Variants in WWOX observed in about 807,000 individuals in gnomAD.
The protein encoded by WWOX is WW domain containing oxidoreductase.
Under a neutral mutation model 46.2 loss-of-function variants are expected in WWOX, and 69 were observed. The ratio of observed to expected loss-of-function variants is 1.49; its 90% CI spans 1.23 to 1.82. The LOEUF (loss-of-function observed/expected upper bound fraction) is 1.82, where lower values mean the gene tolerates loss of function less well. WWOX is among the 40% of genes most tolerant of loss of function. The pLI is 0.00. For synonymous variants in WWOX, 359 were observed against 202.6 expected (o/e 1.77, Z -6.56); for missense variants, 919 against 542.6 (o/e 1.69, Z -6.89).
chr16:78,855,736 C>T (rs908844898), intron 8 of WWOX, among the ~76,000 whole-genome samples: 2 of 152,170 alleles, frequency 1.3e-5, no homozygotes, highest in African/African-American at 2.4e-5. Context: ...AGACGCACCA[C>T]CTCTCCTAAC....
intron 8 of WWOX, among the ~76,000 whole-genome samples, chr16:78,519,365 A>G (rs2043301734): frequency 6.6e-6 from 1 of 152,058 alleles, no homozygotes; most frequent in African/African-American, 2.4e-5. Context: ...TTTTGATCAC[A>G]TTTTGGCTTA....
chr16:78,691,674 C>G (rs539619049), intron 8 of WWOX, among the ~76,000 whole-genome samples: 43 of 152,262 alleles, frequency 2.8e-4, no homozygotes, highest in African/African-American at 9.4e-4. Context: ...TGCCACTGTA[C>G]TCCAGCCTGG....
chr16:78,950,030 T>C (rs2046026806), intron 8 of WWOX, among the ~76,000 whole-genome samples: 2 of 152,230 alleles, frequency 1.3e-5, no homozygotes, highest in Non-Finnish European at 2.9e-5. Context: ...TTTCCAAGGC[T>C]GTGCAGCTCT....
chr16:78,744,187 A>G (rs1441484876), intron 8 of WWOX, among the ~76,000 whole-genome samples: 2 of 152,086 alleles, frequency 1.3e-5, no homozygotes, highest in Non-Finnish European at 2.9e-5. Context: ...TGGTATTTGA[A>G]CTAAGTTTTG....
intron 8 of WWOX, among the ~76,000 whole-genome samples, chr16:78,849,160 C>G (rs917949446): frequency 7.2e-5 from 11 of 152,128 alleles, no homozygotes; most frequent in African/African-American, 2.7e-4. Flanking sequence ...CTAGTTTGGC[C>G]ACTGTTCTGC....
At chr16:78,403,416 C>A (rs1013847503) in intron 6 of WWOX, among the ~76,000 whole-genome samples, 2 of 152,206 alleles carry the variant, frequency 1.3e-5, no homozygotes, top group African/African-American at 4.8e-5. Context: ...ATTTATGCAT[C>A]CATGATACTG....
rs866765924 is a variant in WWOX, at chr16:78,737,244, C to T, written c.1056+304492C>T. Among the ~76,000 whole-genome samples the T allele has an allele frequency of 9.2e-5, 14 of 151,566 alleles. No individual in the cohort carries two copies. The South Asian group carries it at 1.9e-3, about 20-fold the overall frequency. On this transcript the variant is annotated intron_variant, in intron 8 of 8. Coordinates refer to ENST00000566780, the MANE Select transcript of WWOX (RefSeq NM_016373.4). ...CCTTCTGAGTAGCTGGAATTACAAG[C>T]GCCCGCCACCATACTTCGCTAATTT...
At chr16:78,984,362 C>G (rs1178294617) in intron 8 of WWOX, among the ~76,000 whole-genome samples, 1 of 152,156 alleles carries the variant, frequency 6.6e-6, no homozygotes, top group African/African-American at 2.4e-5. Flanking sequence ...CAAATGTTTT[C>G]TATAGAGGCC....
chr16:78,554,166 G>C (rs769989692), intron 8 of WWOX, among the ~76,000 whole-genome samples: 74 of 152,134 alleles, frequency 4.9e-4, no homozygotes, highest in Non-Finnish European at 9.7e-4. Flanking sequence ...AAGGTGGCCT[G>C]CCCTAAGGCA....
intron 6 of WWOX, among the ~76,000 whole-genome samples, chr16:78,407,161 C>T (rs918574119): frequency 2.3e-4 from 35 of 152,130 alleles, no homozygotes; most frequent in Non-Finnish European, 1.5e-5. Context: ...TAGAATTCTA[C>T]ATTATTTTTT....
chr16:78,601,069 C>A (rs1304348710), intron 8 of WWOX, among the ~76,000 whole-genome samples: 1 of 152,176 alleles, frequency 6.6e-6, no homozygotes, highest in Non-Finnish European at 1.5e-5. Flanking sequence ...GATGTAAATA[C>A]CCTGATTTTA....
intron 7 of WWOX, among the ~76,000 whole-genome samples, chr16:78,429,642 AGT>A (rs1331189452): frequency 6.6e-6 from 1 of 152,196 alleles, no homozygotes; most frequent in African/African-American, 2.4e-5. Flanking sequence ...AGAGTTTTCA[AGT>A]CATGTCCCAT....
At chr16:78,743,180 C>T (rs1412204578) in intron 8 of WWOX, among the ~76,000 whole-genome samples, 2 of 152,106 alleles carry the variant, frequency 1.3e-5, no homozygotes, top group Non-Finnish European at 2.9e-5. Flanking sequence ...AGGCAAGGTT[C>T]ATGCTGGCAG....
At chr16:78,868,917 C>T (rs933429197) in intron 8 of WWOX, among the ~76,000 whole-genome samples, 4 of 151,954 alleles carry the variant, frequency 2.6e-5, no homozygotes, top group African/African-American at 4.8e-5. Flanking sequence ...CCCCCTTTTT[C>T]CATTAAAACA....
At chr16:79,097,091 A>G (rs1222025819) in intron 8 of WWOX, among the ~76,000 whole-genome samples, 1 of 152,076 alleles carries the variant, frequency 6.6e-6, no homozygotes, top group Non-Finnish European at 1.5e-5. Context: ...AACACCAGTT[A>G]ACTTACTTGC....
At chr16:78,102,347 G>C (rs2151656278) in intron 1 of WWOX, among the ~76,000 whole-genome samples, 1 of 152,326 alleles carries the variant, frequency 6.6e-6, no homozygotes, top group East Asian at 1.9e-4. Context: ...GGAATGTGAA[G>C]GTTAAGGCAG....
At chr16:78,649,039 T>C (rs1444762257) in intron 8 of WWOX, among the ~76,000 whole-genome samples, 1 of 152,154 alleles carries the variant, frequency 6.6e-6, no homozygotes, top group East Asian at 1.9e-4. Flanking sequence ...AGCAGTGTGA[T>C]CTTGGCTCAC....
chr16:78,186,905 A>T (rs1418564286), intron 5 of WWOX, among the ~76,000 whole-genome samples: 2 of 152,244 alleles, frequency 1.3e-5, no homozygotes, highest in Non-Finnish European at 1.5e-5. Context: ...CAGCATAACA[A>T]TCAAGTCTGG....
chr16:78,576,856 C>T (rs2044893845), intron 8 of WWOX, among the ~76,000 whole-genome samples: 1 of 152,224 alleles, frequency 6.6e-6, no homozygotes, highest in Non-Finnish European at 1.5e-5. Context: ...CCTTGGGTAT[C>T]TTAATCCTTT....
Sources: gnomAD v4.1 joint callset for allele counts (sites outside exome capture counted in the v4.1 genomes callset) on GRCh38, gnomAD v4.1.1 for gene constraint, MANE v1.5 for transcripts, NCBI Gene and HGNC (gene_info 2026-07-23, HGNC 2026-07-21) for gene names.